OR14I1: variants seen among roughly 807,000 people sequenced by gnomAD.
OR14I1 encodes the protein olfactory receptor 14I1.
For missense variants in OR14I1, 279 were observed against 181.8 expected (o/e 1.53, Z -3.07); for synonymous variants, 118 against 71.1 (o/e 1.66, Z -3.32).
upstream of OR14I1, among the ~76,000 whole-genome samples, chr1:248,685,651 TTA>T (rs1414879771): frequency 6.6e-6 from 1 of 151,410 alleles, no homozygotes; most frequent in Non-Finnish European, 1.5e-5. Flanking sequence ...ATCATATAAT[TTA>T]TATATAGTTG....
the OR14I1 span, among the ~76,000 whole-genome samples, chr1:248,702,625 A>AT: frequency 6.6e-6 from 1 of 152,038 alleles, no homozygotes; most frequent in Admixed American, 6.5e-5. Flanking sequence ...AGTCCCCTAG[A>AT]GCCTACTCTC....
the OR14I1 span, among the ~76,000 whole-genome samples, chr1:248,693,011 T>G: frequency 6.6e-6 from 1 of 152,222 alleles, no homozygotes; most frequent in African/African-American, 2.4e-5. Flanking sequence ...ACTTCCCCGA[T>G]TTCCCTGAAG....
the OR14I1 span, among the ~76,000 whole-genome samples, chr1:248,687,866 T>C: frequency 6.6e-6 from 1 of 152,344 alleles, no homozygotes; most frequent in South Asian, 2.1e-4. Context: ...CATCCAGATA[T>C]AGATAGACAT....
chr1:248,702,067 AT>A, the OR14I1 span, among the ~76,000 whole-genome samples: 3 of 151,892 alleles, frequency 2.0e-5, no homozygotes, highest in African/African-American at 7.2e-5. Context: ...ACCAGATCTC[AT>A]GAGAATTCAC....
chr1:248,681,311 G>C, downstream of OR14I1: 1 of 616,890 alleles, frequency 1.6e-6, no homozygotes, highest in South Asian at 2.2e-5. Context: ...TTGTCATAAA[G>C]TATTTATGCT....
chr1:248,687,015 C>T (rs957579535), upstream of OR14I1, among the ~76,000 whole-genome samples: 2 of 152,164 alleles, frequency 1.3e-5, no homozygotes, highest in African/African-American at 4.8e-5. Flanking sequence ...CTGGGGGACG[C>T]TGGTCTCAGG....
chr1:248,679,432 A>G (rs180893730), downstream of OR14I1, among the ~76,000 whole-genome samples: 1,330 of 151,814 alleles, frequency 8.8e-3, 8 homozygotes, highest in Middle Eastern at 0.018. Context: ...GTTTAGTACT[A>G]ATATATGTAA....
chr1:248,688,758 G>C, the OR14I1 span, among the ~76,000 whole-genome samples: 1 of 152,244 alleles, frequency 6.6e-6, no homozygotes, highest in African/African-American at 2.4e-5. Flanking sequence ...AGTTTCATAA[G>C]AGGTGTTTCA....
upstream of OR14I1, among the ~76,000 whole-genome samples, chr1:248,684,789 C>CAG (rs1661618452): frequency 6.8e-6 from 1 of 147,622 alleles, no homozygotes; most frequent in Non-Finnish European, 1.5e-5. Context: ...CACACACACA[C>CAG]AGATAAGCTT....
downstream of OR14I1, chr1:248,681,250 T>G: frequency 1.8e-6 from 1 of 565,710 alleles, no homozygotes; most frequent in Non-Finnish European, 3.1e-6. Flanking sequence ...TTCAACAGGT[T>G]TTTTTTTTCA....
At chr1:248,695,534 A>T in the OR14I1 span, among the ~76,000 whole-genome samples, 42 of 152,188 alleles carry the variant, frequency 2.8e-4, no homozygotes, top group Middle Eastern at 3.4e-3. Context: ...CGCCCGGCCG[A>T]ATCTATGCGT....
rs145167581 is a variant in OR14I1 at position 248,681,809 on chromosome 1, C to T, written c.496G>A (p.Val166Ile). The change falls in exon 1 of 1, where the codon GTT becomes ATT. Residue 166 changes from valine (V) to isoleucine (I), a missense_variant. Val to Ile is a conservative substitution (Grantham distance 29, BLOSUM62 3). Coordinates refer to ENST00000342623, the Ensembl canonical transcript of OR14I1. ...TGGTGGATCACACTGGATCTGCAAACGTGCTCCCGAAACATGTTGCCAGTG... is the reference window on the plus strand; with the variant it reads ...TGGTGGATCACACTGGATCTGCAAATGTGCTCCCGAAACATGTTGCCAGTG... The T allele has an allele frequency of 4.1e-4, 324 of 781,050 alleles. No homozygotes were observed. The African/African-American group carries it at 4.6e-3, about 11-fold the overall frequency. 48.4% of individuals were successfully genotyped at this position (781,050 alleles called of 1,614,324 possible).
chr1:248,681,326 T>C (rs773833464), exon 1 of OR14I1: 1 of 648,396 alleles, frequency 1.5e-6, no homozygotes, highest in African/African-American at 1.8e-5. Context: ...TATGCTTTTT[T>C]GGGGTTTTGT....
chr1:248,700,886 T>G, the OR14I1 span, among the ~76,000 whole-genome samples: 2 of 152,240 alleles, frequency 1.3e-5, no homozygotes, highest in African/African-American at 2.4e-5. Context: ...GGGTGAATCA[T>G]GGAAAATTTT....
chr1:248,687,664 G>A, the OR14I1 span, among the ~76,000 whole-genome samples: 5 of 152,112 alleles, frequency 3.3e-5, no homozygotes, highest in Non-Finnish European at 5.9e-5. Context: ...TTATCAGATC[G>A]CACTACAGAT....
chr1:248,688,645 T>G, the OR14I1 span, among the ~76,000 whole-genome samples: 1 of 152,190 alleles, frequency 6.6e-6, no homozygotes, highest in Non-Finnish European at 1.5e-5. Context: ...TTTTCAAGAT[T>G]GCAAGACTGA....
chr1:248,693,793 A>G, the OR14I1 span, among the ~76,000 whole-genome samples: 2 of 150,310 alleles, frequency 1.3e-5, no homozygotes, highest in African/African-American at 4.9e-5. Context: ...AAAAAAAAAA[A>G]GGATGGGAAA....
chr1:248,681,742 C>G, exon 1 of OR14I1: 1 of 781,070 alleles, frequency 1.3e-6, no homozygotes, highest in Non-Finnish European at 2.4e-6. Flanking sequence ...GAAAACCTCA[C>G]AGGAAACCAG....
upstream of OR14I1, among the ~76,000 whole-genome samples, chr1:248,684,753 CATACAT>C (rs201543058): frequency 6.7e-6 from 1 of 148,244 alleles, no homozygotes; most frequent in Admixed American, 6.6e-5. Flanking sequence ...AATACACACA[CATACAT>C]ATATATATAT....
Sources: gnomAD v4.1 joint callset for allele counts (sites outside exome capture counted in the v4.1 genomes callset) on GRCh38, gnomAD v4.1.1 for gene constraint, MANE v1.5 for transcripts, NCBI Gene and HGNC (gene_info 2026-07-23, HGNC 2026-07-21) for gene names.